RALGAPA2: variants seen among roughly 807,000 people sequenced by gnomAD.
RALGAPA2 encodes the protein ral GTPase-activating protein subunit alpha-2.
RALGAPA2 carries 139 observed loss-of-function variants against 230.4 expected under a neutral mutation model. The observed-to-expected ratio is 0.60, with a 90% confidence interval of 0.53 to 0.69. The LOEUF (loss-of-function observed/expected upper bound fraction) is 0.69, where lower values mean the gene tolerates loss of function less well. Among genes scored for constraint, RALGAPA2 ranks in the 30% least tolerant of loss-of-function variants. The pLI is 0.00. For synonymous variants in RALGAPA2, 847 were observed against 837.8 expected (o/e 1.01, Z -0.19); for missense variants, 2,163 against 2,276.0 (o/e 0.95, Z 1.01).
chr20:20,683,634 C>A (rs760245767), intron 1 of RALGAPA2, among the ~76,000 whole-genome samples: 11 of 152,354 alleles, frequency 7.2e-5, no homozygotes, highest in Admixed American at 2.6e-4. Flanking sequence ...GACACTATGT[C>A]TGTTCATCCT....
At chr20:20,482,985 T>C (rs2061816811) in intron 36 of RALGAPA2, among the ~76,000 whole-genome samples, 1 of 152,182 alleles carries the variant, frequency 6.6e-6, no homozygotes, top group African/African-American at 2.4e-5. Context: ...GTCATCCAAA[T>C]GAAAGCAACA....
At chr20:20,641,205 T>C (rs1414342540) in intron 5 of RALGAPA2, among the ~76,000 whole-genome samples, 3 of 152,192 alleles carry the variant, frequency 2.0e-5, no homozygotes, top group Non-Finnish European at 2.9e-5. Context: ...CAAAAGACTA[T>C]GATAAAGACT....
intron 7 of RALGAPA2, among the ~76,000 whole-genome samples, chr20:20,637,850 C>G (rs2066906453): frequency 6.6e-6 from 1 of 152,008 alleles, no homozygotes; most frequent in African/African-American, 2.4e-5. Flanking sequence ...TAGTCACAAA[C>G]AATCAGGTGT....
At chr20:20,696,650 T>C (rs2069123651) in intron 1 of RALGAPA2, among the ~76,000 whole-genome samples, 2 of 151,394 alleles carry the variant, frequency 1.3e-5, no homozygotes, top group Non-Finnish European at 1.5e-5. Flanking sequence ...TCCACCCCTA[T>C]TGACTTCCAT....
At chr20:20,468,649 C>G (rs549361287) in intron 37 of RALGAPA2, among the ~76,000 whole-genome samples, 17 of 151,660 alleles carry the variant, frequency 1.1e-4, no homozygotes, top group African/African-American at 3.9e-4. Context: ...TCTGTGAAAC[C>G]ATTCTCTCCT....
chr20:20,685,027 C>T (rs908166839), intron 1 of RALGAPA2, among the ~76,000 whole-genome samples: 5 of 151,514 alleles, frequency 3.3e-5, no homozygotes, highest in Non-Finnish European at 5.9e-5. Context: ...TGGAATTTAG[C>T]AACCTGCGAA....
chr20:20,712,637 G>A lies in RALGAPA2; in HGVS notation c.-157C>T. 1 of 1,174,906 alleles carries A rather than the reference G, an allele frequency of 8.5e-7. No individual in the cohort carries two copies. The highest frequency in any genetic ancestry group is 1.1e-6 in the Non-Finnish European group (1 of 946,484). The allele number at this position is 1,174,906 out of a possible 1,614,324, so 72.8% of individuals were successfully genotyped here. A position where few individuals can be genotyped will look rare whatever the true frequency, so the allele number is the denominator to read the frequency against. ...CGCCGCCGCCGCCGCCGCCTCAGCT[G>A]TGTCTCCAGGAAGGAGGGGCGGGCC... On this transcript the variant is annotated 5_prime_UTR_variant, in exon 1 of 40. Coordinates refer to ENST00000202677, the MANE Select transcript of RALGAPA2 (RefSeq NM_020343.4). The surrounding 1 kb of genome is among the most constrained non-coding windows in gnomAD (Gnocchi z 5.5).
intron 4 of RALGAPA2, among the ~76,000 whole-genome samples, chr20:20,645,882 CG>C: frequency 6.6e-6 from 1 of 151,842 alleles, no homozygotes; most frequent in South Asian, 2.1e-4. Flanking sequence ...AGAACAGTGC[CG>C]GGTATGTGGT....
intron 19 of RALGAPA2, among the ~76,000 whole-genome samples, chr20:20,583,910 C>G (rs1378264087): frequency 6.6e-6 from 1 of 152,190 alleles, no homozygotes; most frequent in Non-Finnish European, 1.5e-5. Context: ...TCTGTCTGCT[C>G]ACCCTTCTGG....
intron 3 of RALGAPA2, chr20:20,659,961 T>C: frequency 3.5e-6 from 1 of 282,270 alleles, no homozygotes; most frequent in Admixed American, 4.3e-5. Flanking sequence ...TCAAACAGAT[T>C]GGCTGGGTGC....
intron 39 of RALGAPA2, among the ~76,000 whole-genome samples, 170 bp downstream of exon 39, chr20:20,396,525 G>A (rs1399354640): frequency 6.6e-6 from 1 of 152,252 alleles, no homozygotes; most frequent in Non-Finnish European, 1.5e-5. Flanking sequence ...TCCCCGGGCA[G>A]CGCAGACATG....
At chr20:20,612,954 G>C (rs1223409943) in intron 13 of RALGAPA2, among the ~76,000 whole-genome samples, 1 of 152,190 alleles carries the variant, frequency 6.6e-6, no homozygotes, top group African/African-American at 2.4e-5. Context: ...AACAGACATC[G>C]TAAGTTTCAA....
chr20:20,558,226 GAACTTCTGACCT>G (rs1316339375), intron 23 of RALGAPA2, among the ~76,000 whole-genome samples: 2 of 152,046 alleles, frequency 1.3e-5, no homozygotes, highest in Non-Finnish European at 2.9e-5. Flanking sequence ...GGCTGGTCTT[GAACTTCTGACCT>G]CAGGTGATCC....
At chr20:20,612,446 C>A (rs539939721) in intron 13 of RALGAPA2, among the ~76,000 whole-genome samples, 3 of 152,108 alleles carry the variant, frequency 2.0e-5, no homozygotes, top group Non-Finnish European at 4.4e-5. Flanking sequence ...TCATAGTTCC[C>A]GTTTACTTTT....
At chr20:20,626,864 G>A (rs987339809) in intron 10 of RALGAPA2, among the ~76,000 whole-genome samples, 2 of 152,108 alleles carry the variant, frequency 1.3e-5, no homozygotes, top group Non-Finnish European at 2.9e-5. Flanking sequence ...GCAGAGTTTA[G>A]CCCCTGTGAC....
intron 4 of RALGAPA2, among the ~76,000 whole-genome samples, chr20:20,651,673 AAATT>A (rs1259261015): frequency 6.6e-6 from 1 of 152,208 alleles, no homozygotes; most frequent in Non-Finnish European, 1.5e-5. Context: ...ACACAAATGC[AAATT>A]AATTTTCACA....
intron 7 of RALGAPA2, among the ~76,000 whole-genome samples, chr20:20,639,524 G>A (rs1410223278): frequency 6.6e-6 from 1 of 152,108 alleles, no homozygotes; most frequent in African/African-American, 2.4e-5. Context: ...AACCTGTCTT[G>A]CAAGCATAGA....
At chr20:20,581,129 T>G (rs543997493) in intron 20 of RALGAPA2, among the ~76,000 whole-genome samples, 46 of 152,286 alleles carry the variant, frequency 3.0e-4, no homozygotes, top group African/African-American at 1.1e-3. Flanking sequence ...ACGGAGTATT[T>G]GGAGGAGTTA....
rs79317452 is a variant in RALGAPA2, at chr20:20,511,515, G to A, written c.4857-190C>T. Among the ~76,000 whole-genome samples, 751 of 152,284 alleles carry A rather than the reference G, an allele frequency of 4.9e-3. 7 individuals carry two copies. The highest frequency in any genetic ancestry group is 0.017 in the African/African-American group (716 of 41,554). On this transcript the variant is annotated intron_variant, in intron 32 of 39. Coordinates refer to ENST00000202677, the MANE Select transcript of RALGAPA2 (RefSeq NM_020343.4). The stretch of plus-strand genomic sequence containing the variant: ...ATGCAAAGGTATAAAAATTCCATCA[G>A]CATCCCATTACTACCCAGTGACACA...
Sources: allele counts gnomAD v4.1 joint callset (sites outside exome capture counted in the v4.1 genomes callset), GRCh38; gene constraint gnomAD v4.1.1; non-coding constraint Gnocchi (gnomAD v3.1); transcripts MANE v1.5; gene names NCBI Gene and HGNC (gene_info 2026-07-23, HGNC 2026-07-21).